RGS7: variants seen among roughly 807,000 people sequenced by gnomAD.
RGS7 encodes regulator of G protein signaling 7.
RGS7 carries 27 observed loss-of-function variants against 81.1 expected under a neutral mutation model. The observed-to-expected ratio is 0.33, with a 90% CI of 0.25 to 0.46. RGS7 has a LOEUF of 0.46. Ranked by LOEUF, RGS7 falls within the 20% of genes least tolerant of loss-of-function variation. The probability of loss-of-function intolerance (pLI) is 1.00; values close to 1 mark genes in which losing one functional copy is unlikely to be tolerated. For missense variants in RGS7, 396 were observed against 607.4 expected, an observed-to-expected ratio of 0.65 and a Z score of 3.66; for synonymous variants, 208 against 207.7, an observed-to-expected ratio of 1.00 and a Z score of -0.01.
intron 9 of RGS7, among the ~76,000 whole-genome samples, chr1:240,832,596 C>A (rs770492872): frequency 6.6e-6 from 1 of 152,038 alleles, no homozygotes; most frequent in East Asian, 1.9e-4. Flanking sequence ...TCCTTTCATG[C>A]GATAGTACAT....
chr1:240,792,752 A>C (rs1036631651), intron 18 of RGS7, among the ~76,000 whole-genome samples: 23 of 152,188 alleles, frequency 1.5e-4, no homozygotes, highest in African/African-American at 5.3e-4. Context: ...CTCAGGTGCA[A>C]CTGTTAGTAG....
intron 3 of RGS7, among the ~76,000 whole-genome samples, chr1:241,047,942 G>A (rs890330945): frequency 6.6e-6 from 1 of 151,866 alleles, no homozygotes; most frequent in Non-Finnish European, 1.5e-5. Flanking sequence ...GTTTCACCAT[G>A]TTAGTCAGGC....
intron 3 of RGS7, among the ~76,000 whole-genome samples, chr1:241,059,594 T>A (rs1423382281): frequency 6.6e-6 from 1 of 152,124 alleles, no homozygotes; most frequent in African/African-American, 2.4e-5. Flanking sequence ...GAGTGATACA[T>A]GAACTATATG....
intron 3 of RGS7, among the ~76,000 whole-genome samples, chr1:241,047,432 G>T (rs2060994633): frequency 6.6e-6 from 1 of 151,702 alleles, no homozygotes; most frequent in Non-Finnish European, 1.5e-5. Context: ...CTCTCACTTG[G>T]GGTTAGAACT....
chr1:241,350,217 T>C (rs1213033350), intron 2 of RGS7, among the ~76,000 whole-genome samples: 1 of 152,178 alleles, frequency 6.6e-6, no homozygotes, highest in African/African-American at 2.4e-5. Context: ...CTACTTCTCA[T>C]CAAGAAATAT....
chr1:241,268,232 T>C (rs1223543645), intron 2 of RGS7, among the ~76,000 whole-genome samples: 1 of 152,186 alleles, frequency 6.6e-6, no homozygotes, highest in Non-Finnish European at 1.5e-5. Flanking sequence ...GGAAGAGAGC[T>C]GAGGCTTCCA....
rs373186816 is a variant in RGS7, at chr1:240,938,781, T to C, written c.227-2075A>G. Among the ~76,000 whole-genome samples the C allele has an allele frequency of 2.2e-4, 34 of 152,238 alleles. 1 individual carries two copies. The highest frequency in any genetic ancestry group is 1.9e-3 in the East Asian group (10 of 5,174). Reference sequence around the variant, plus strand: ...CAAGTCTCTCTGTATAGAATGTTGTTTTTTGTACAGAGGAGCATTTTTTTT... The same window carrying C: ...CAAGTCTCTCTGTATAGAATGTTGTCTTTTGTACAGAGGAGCATTTTTTTT... On this transcript the variant is annotated intron_variant, in intron 4 of 18. Transcript: ENST00000440928.
rs60341909 is a variant in RGS7 at position 241,327,146 on chromosome 1, GGAAAGAAA to G, written c.78+28545_78+28552del. Among the ~76,000 whole-genome samples, 8 of 92,246 alleles carry G rather than the reference GGAAAGAAA, an allele frequency of 8.7e-5. 1 individual carries two copies. In the East Asian group the frequency reaches 2.4e-3, roughly 28 times the overall value. The allele number at this position is 92,246 out of a possible 152,430, so 60.5% of individuals were successfully genotyped here. A position where few individuals can be genotyped will look rare whatever the true frequency, so the allele number is the denominator to read the frequency against. ...AGAAAGAAAGAAAGAAAGAAAGAAA[GGAAAGAAA>G]GAAAGAAAGAAACACACAGACTAAG... is the stretch of plus-strand genomic sequence containing the variant. On this transcript the variant is annotated intron_variant, in intron 2 of 18. Transcript: ENST00000440928.
intron 3 of RGS7, among the ~76,000 whole-genome samples, chr1:241,025,909 T>C (rs1432618838): frequency 6.6e-6 from 1 of 152,208 alleles, no homozygotes; most frequent in African/African-American, 2.4e-5. Flanking sequence ...TGGAATGATA[T>C]ATTCCCTCAG....
chr1:241,177,798 T>A (rs1207595925), intron 2 of RGS7, among the ~76,000 whole-genome samples: 1 of 152,220 alleles, frequency 6.6e-6, no homozygotes, highest in Non-Finnish European at 1.5e-5. Flanking sequence ...GAGAGAGTGA[T>A]TAAAGATAAT....
intron 4 of RGS7, among the ~76,000 whole-genome samples, chr1:240,958,942 C>A (rs1436086108): frequency 6.6e-6 from 1 of 152,204 alleles, no homozygotes; most frequent in East Asian, 1.9e-4. Context: ...TCATAAAGAT[C>A]TTGAAAGACA....
intron 4 of RGS7, among the ~76,000 whole-genome samples, chr1:240,975,115 GAA>G (rs1683865498): frequency 6.6e-6 from 1 of 152,098 alleles, no homozygotes; most frequent in Non-Finnish European, 1.5e-5. Flanking sequence ...AAAGAACACA[GAA>G]ATGCGGCCGG....
At chr1:241,221,802 T>A (rs1051550523) in intron 2 of RGS7, among the ~76,000 whole-genome samples, 1 of 152,202 alleles carries the variant, frequency 6.6e-6, no homozygotes. Flanking sequence ...TCTCTGGGTT[T>A]CCAAAGTTCT....
At chr1:240,854,102 T>C (rs1037707151) in intron 9 of RGS7, among the ~76,000 whole-genome samples, 5 of 151,984 alleles carry the variant, frequency 3.3e-5, no homozygotes, top group Admixed American at 2.0e-4. Context: ...TAATAATTGA[T>C]AGAGACAATT....
chr1:240,793,547 G>T (rs1686378604), intron 18 of RGS7, among the ~76,000 whole-genome samples: 1 of 144,014 alleles, frequency 6.9e-6, no homozygotes, highest in South Asian at 2.2e-4. Flanking sequence ...GAAACTCAAT[G>T]GTCAGTTTAT....
chr1:241,211,419 C>A (rs550922769), intron 2 of RGS7, among the ~76,000 whole-genome samples: 19 of 152,282 alleles, frequency 1.2e-4, no homozygotes, highest in African/African-American at 4.6e-4. Context: ...GCTTAGAAAT[C>A]CCTGAGCTTT....
chr1:241,060,768 T>C (rs2061700020), intron 3 of RGS7, among the ~76,000 whole-genome samples: 1 of 152,216 alleles, frequency 6.6e-6, no homozygotes, highest in Admixed American at 6.5e-5. Flanking sequence ...CCTGGGAATT[T>C]CCAGGAGACA....
intron 2 of RGS7, among the ~76,000 whole-genome samples, chr1:241,279,112 T>C (rs1573481738): frequency 6.6e-6 from 1 of 151,730 alleles, no homozygotes; most frequent in Non-Finnish European, 1.5e-5. Flanking sequence ...TCATAAATTC[T>C]TCATAACATA....
At chr1:241,088,807 C>A (rs1049017989) in intron 3 of RGS7, among the ~76,000 whole-genome samples, 3 of 151,440 alleles carry the variant, frequency 2.0e-5, no homozygotes, top group Non-Finnish European at 2.9e-5. Context: ...GTCAGGAGAT[C>A]GAGACCATCC....
Sources: gnomAD v4.1 joint callset for allele counts (sites outside exome capture counted in the v4.1 genomes callset) on GRCh38, gnomAD v4.1.1 for gene constraint, MANE v1.5 for transcripts, NCBI Gene and HGNC (gene_info 2026-07-23, HGNC 2026-07-21) for gene names.